MGA: variants seen among roughly 807,000 people sequenced by gnomAD.
MGA encodes MAX dimerization protein MGA.
Under a neutral mutation model 261.1 loss-of-function variants are expected in MGA, and 40 were observed. The ratio of observed to expected loss-of-function variants is 0.15; its 90% CI spans 0.12 to 0.20. The LOEUF (loss-of-function observed/expected upper bound fraction) is 0.20. MGA is among the 10% of genes least tolerant of loss of function. The probability of loss-of-function intolerance (pLI) is 1.00; values close to 1 mark genes in which losing one functional copy is unlikely to be tolerated. For synonymous variants in MGA, 1,302 were observed against 1,290.6 expected, an observed-to-expected ratio of 1.01 and a Z score of -0.19; for missense variants, 3,397 against 3,630.5, an observed-to-expected ratio of 0.94 and a Z score of 1.65.
chr15:41,760,487 A>G lies in MGA; in HGVS notation c.7356A>G (p.Leu2452=), dbSNP rs2063390070. Residue 2452 remains leucine (L), a synonymous_variant, in exon 20 of 24, where the codon TTA becomes TTG. Transcript: ENST00000219905. ...AGAAATTAAAGATCACATTGGGATT[A>G]CTTCATTCTTCCAAGGTTTCCAAAA... is the stretch of plus-strand genomic sequence containing the variant. 12 of 1,613,904 alleles carry G rather than the reference A, an allele frequency of 7.4e-6. No individual in the cohort carries two copies. The highest frequency in any genetic ancestry group is 4.2e-6 in the Non-Finnish European group (5 of 1,179,896).
intron 19 of MGA, 141 bp from the exon 20 acceptor site, chr15:41,760,182 G>A (rs528885214): frequency 2.8e-6 from 2 of 710,718 alleles, no homozygotes; most frequent in Admixed American, 2.5e-5. Context: ...TAGACTGGTA[G>A]TAAGATGACC....
chr15:41,624,662 G>A (rs1294149671), intron 1 of MGA, among the ~76,000 whole-genome samples: 1 of 152,124 alleles, frequency 6.6e-6, no homozygotes, highest in Non-Finnish European at 1.5e-5. Flanking sequence ...TAGAGACGGG[G>A]TTTCACCATG....
At chr15:41,691,503 AC>A (rs541270583) in intron 2 of MGA, 28 of 321,666 alleles carry the variant, frequency 8.7e-5, no homozygotes, top group South Asian at 7.6e-4. Context: ...TTTTTCCTCT[AC>A]AATCTGGATG....
chr15:41,689,389 T>C (rs557461914), intron 2 of MGA, among the ~76,000 whole-genome samples: 22 of 149,664 alleles, frequency 1.5e-4, no homozygotes, highest in Admixed American at 2.7e-4. Flanking sequence ...CTTCTCTCCT[T>C]TTCTTTCTCT....
chr15:41,659,331 CCTTA>C (rs2057282385), upstream of MGA, among the ~76,000 whole-genome samples: 1 of 151,952 alleles, frequency 6.6e-6, no homozygotes, highest in South Asian at 2.1e-4. Flanking sequence ...TTGACTCCTT[CCTTA>C]GTCTTCTCAT....
At chr15:41,708,018 AC>A in intron 6 of MGA, 85 bp from the exon 7 acceptor site, 2 of 1,378,038 alleles carry the variant, frequency 1.5e-6, no homozygotes, top group Non-Finnish European at 2.0e-6. Flanking sequence ...TTATACACTT[AC>A]CAAATTAAAG....
At chr15:41,747,508 T>G (rs181325831) in intron 15 of MGA, among the ~76,000 whole-genome samples, 29 of 151,676 alleles carry the variant, frequency 1.9e-4, no homozygotes, top group African/African-American at 7.0e-4. Context: ...GGCAGGAGGA[T>G]TGCTTGAGCC....
In MGA at chr15:41,768,728, C is replaced by G. The variant is rs2063915560; in HGVS notation, c.*1448C>G. The stretch of plus-strand genomic sequence containing the variant: ...CCGTGCCTAGGTGATGCTATTTCTT[C>G]TATATCTCCTGTCTTCTTTATCCCA... On this transcript the variant is annotated 3_prime_UTR_variant, in exon 24 of 24. Coordinates refer to ENST00000219905, the MANE Select transcript of MGA (RefSeq NM_001164273.2). 6.6e-6 allele frequency: 1 copy of G among 152,594 alleles called. No individual in the cohort carries two copies. Among genetic ancestry groups the G allele is most frequent in the South Asian group, 2.1e-4 (1 of 4,834 alleles). 9.5% of individuals were successfully genotyped at this position (152,594 alleles called of 1,614,324 possible). A position where few individuals can be genotyped will look rare whatever the true frequency, so the allele number is the denominator to read the frequency against.
In MGA at chr15:41,761,994, G is replaced by A. The variant is rs1488294635; in HGVS notation, c.7511-135G>A. On this transcript the variant is annotated intron_variant, in intron 21 of 23. Coordinates refer to ENST00000219905, the MANE Select transcript of MGA (RefSeq NM_001164273.2). ...TTATCCTTTGACTGGGTGGTGGGTT[G>A]TTTCTTGTGAATTGTAATCACCTTA... The A allele has an allele frequency of 4.9e-6, 5 of 1,024,676 alleles. No homozygotes were observed. In the African/African-American group the frequency reaches 8.1e-5, roughly 17 times the overall value. The allele number at this position is 1,024,676 out of a possible 1,614,324, so 63.5% of individuals were successfully genotyped here. A position where few individuals can be genotyped will look rare whatever the true frequency, so the allele number is the denominator to read the frequency against.
intron 1 of MGA, among the ~76,000 whole-genome samples, chr15:41,650,109 A>G (rs1016791388): frequency 1.3e-5 from 2 of 152,224 alleles, no homozygotes; most frequent in Non-Finnish European, 2.9e-5. Context: ...GCAGAGAGCC[A>G]GTAGCTTTCT....
chr15:41,769,919 A>G lies in MGA; in HGVS notation c.*2639A>G. Reference sequence around the variant, plus strand: ...GGTAGAATATATAAACCTGAAATAAAGCAGTTAAAACAATTAAAGCAGAAC... The same window carrying G: ...GGTAGAATATATAAACCTGAAATAAGGCAGTTAAAACAATTAAAGCAGAAC... On this transcript the variant is annotated 3_prime_UTR_variant, in exon 24 of 24. Transcript: ENST00000219905. The G allele has an allele frequency of 6.6e-6, 1 of 152,658 alleles. No homozygotes were observed. Among genetic ancestry groups the G allele is most frequent in the East Asian group, 1.9e-4 (1 of 5,206 alleles). 9.5% of individuals were successfully genotyped at this position (152,658 alleles called of 1,614,324 possible). A position where few individuals can be genotyped will look rare whatever the true frequency, so the allele number is the denominator to read the frequency against.
chr15:41,629,309 C>G (rs1415739956), intron 1 of MGA, among the ~76,000 whole-genome samples: 1 of 152,014 alleles, frequency 6.6e-6, no homozygotes, highest in African/African-American at 2.4e-5. Flanking sequence ...AGGCTTTTAG[C>G]TGGAGCCAGT....
At chr15:41,735,365 A>G (rs573363614) in intron 12 of MGA, among the ~76,000 whole-genome samples, 104 of 152,348 alleles carry the variant, frequency 6.8e-4, no homozygotes, top group Non-Finnish European at 1.3e-3. Flanking sequence ...CAGTGTAGAA[A>G]TGGAGCAATC....
chr15:41,712,515 G>GC (rs1440665838), intron 8 of MGA, among the ~76,000 whole-genome samples: 1 of 152,132 alleles, frequency 6.6e-6, no homozygotes, highest in African/African-American at 2.4e-5. Flanking sequence ...ACTGCGCCTG[G>GC]CCTTCATCAT....
intron 12 of MGA, 34 bp from the exon 13 acceptor site, chr15:41,736,147 C>G: frequency 1.4e-6 from 2 of 1,436,524 alleles, no homozygotes; most frequent in East Asian, 2.5e-5. Flanking sequence ...AATAATCTTT[C>G]AACTTTTTCT....
intron 1 of MGA, among the ~76,000 whole-genome samples, chr15:41,649,083 A>G (rs749223388): frequency 5.3e-5 from 8 of 152,072 alleles, no homozygotes; most frequent in Non-Finnish European, 1.0e-4. Flanking sequence ...TACAATGTAG[A>G]GGTTAAAAAG....
At chr15:41,662,187 C>CT (rs1400183304) in intron 1 of MGA, among the ~76,000 whole-genome samples, 1 of 152,096 alleles carries the variant, frequency 6.6e-6, no homozygotes, top group Non-Finnish European at 1.5e-5. Context: ...AAAACACAGG[C>CT]TAAAGACTTG....
intron 2 of MGA, among the ~76,000 whole-genome samples, chr15:41,672,875 C>A (rs2058142921): frequency 6.6e-6 from 1 of 151,442 alleles, no homozygotes; most frequent in African/African-American, 2.4e-5. Context: ...TGCACACACA[C>A]ACACACACAC....
At chr15:41,693,379 A>T (rs183145581) in intron 2 of MGA, among the ~76,000 whole-genome samples, 2 of 139,008 alleles carry the variant, frequency 1.4e-5, no homozygotes, top group Non-Finnish European at 3.0e-5. Context: ...TCATTGTTCA[A>T]TTCCCACCTA....
Sources: gnomAD v4.1 joint callset for allele counts (sites outside exome capture counted in the v4.1 genomes callset) on GRCh38, gnomAD v4.1.1 for gene constraint, MANE v1.5 for transcripts, NCBI Gene and HGNC (gene_info 2026-07-23, HGNC 2026-07-21) for gene names.